ROBO2: variants seen among roughly 807,000 people sequenced by gnomAD.
The protein encoded by ROBO2 is roundabout homolog 2.
In ROBO2, 53 loss-of-function variants were observed where a neutral mutation model predicts 160.8. That is an observed-to-expected ratio of 0.33 (90% CI 0.26 to 0.41). The LOEUF is 0.41. Among genes scored for constraint, ROBO2 ranks in the 10% least tolerant of loss-of-function variants. ROBO2 has a pLI of 1.00. For missense variants in ROBO2, 1,577 were observed against 1,722.4 expected, an observed-to-expected ratio of 0.92 and a Z score of 1.49; for synonymous variants, 664 against 611.7, an observed-to-expected ratio of 1.09 and a Z score of -1.26.
intron 2 of ROBO2, among the ~76,000 whole-genome samples, chr3:76,933,315 G>A (rs551390772): frequency 6.6e-6 from 1 of 152,164 alleles, no homozygotes; most frequent in East Asian, 1.9e-4. Context: ...ATATAGAATT[G>A]TGTTCCTCTA....
chr3:77,174,719 C>A (rs1012419210), intron 2 of ROBO2, among the ~76,000 whole-genome samples: 1 of 151,988 alleles, frequency 6.6e-6, no homozygotes, highest in Non-Finnish European at 1.5e-5. Flanking sequence ...CCAGTCGAAA[C>A]CTGTCAAATA....
chr3:77,472,809 T>C (rs912852439), intron 2 of ROBO2, among the ~76,000 whole-genome samples: 9 of 152,296 alleles, frequency 5.9e-5, no homozygotes, highest in African/African-American at 1.9e-4. Context: ...AGAAAAGCTG[T>C]TATCTGAAAG....
intron 2 of ROBO2, among the ~76,000 whole-genome samples, chr3:77,015,345 T>G (rs932611794): frequency 6.6e-6 from 1 of 152,162 alleles, no homozygotes; most frequent in African/African-American, 2.4e-5. Flanking sequence ...CGAATGGGAT[T>G]TATGGGAGGC....
chr3:76,598,802 T>C (rs2086903711), intron 2 of ROBO2, among the ~76,000 whole-genome samples: 1 of 152,148 alleles, frequency 6.6e-6, no homozygotes, highest in African/African-American at 2.4e-5. Flanking sequence ...TAAAATAATA[T>C]GGCAATGTAA....
intron 2 of ROBO2, among the ~76,000 whole-genome samples, chr3:77,219,444 A>ATATATATATATATATGTATCTGTG (rs2085446345): frequency 7.7e-6 from 1 of 129,708 alleles, no homozygotes; most frequent in Non-Finnish European, 1.7e-5. Context: ...GTATATATAT[A>ATATATATATATATATGTATCTGTG]TATATATATA....
intron 2 of ROBO2, among the ~76,000 whole-genome samples, chr3:77,112,752 G>A (rs999590833): frequency 6.6e-6 from 1 of 152,142 alleles, no homozygotes; most frequent in Non-Finnish European, 1.5e-5. Context: ...CTTTTCCTCG[G>A]TGTGCCATAC....
chr3:77,194,881 T>C (rs2082175612), intron 2 of ROBO2, among the ~76,000 whole-genome samples: 1 of 152,124 alleles, frequency 6.6e-6, no homozygotes, highest in African/African-American at 2.4e-5. Context: ...CACAAATGCA[T>C]TTTTATAGTA....
chr3:76,621,597 T>C (rs1452351703), intron 2 of ROBO2, among the ~76,000 whole-genome samples: 1 of 152,216 alleles, frequency 6.6e-6, no homozygotes, highest in Non-Finnish European at 1.5e-5. Flanking sequence ...TTCTGAACCC[T>C]GAGTTCCTCA....
chr3:76,918,320 A>C (rs2076452842), intron 2 of ROBO2, among the ~76,000 whole-genome samples: 1 of 152,030 alleles, frequency 6.6e-6, no homozygotes, highest in African/African-American at 2.4e-5. Flanking sequence ...CTTTGCACTT[A>C]TTCTCTCTCC....
rs564314462 is a variant in ROBO2, at chr3:76,413,981, C to A, written c.109+476379C>A. ...TTACAGTTCCACATGGCTGGGGAGG[C>A]CTCAGAATCATGGCAGGAGGCAAAA... On this transcript the variant is annotated intron_variant, in intron 2 of 26. Coordinates refer to the ROBO2 transcript ENST00000487694. 3.3e-4 allele frequency among the ~76,000 whole-genome samples: 51 copies of A among 152,240 alleles called. No homozygotes were observed. The Middle Eastern group carries it at 0.01, about 30-fold the overall frequency.
At chr3:77,214,010 A>G (rs1195877448) in intron 2 of ROBO2, among the ~76,000 whole-genome samples, 3 of 152,092 alleles carry the variant, frequency 2.0e-5, no homozygotes, top group Non-Finnish European at 2.9e-5. Flanking sequence ...TATGTGGTCA[A>G]TTTTGGAATA....
chr3:77,356,796 A>ACT (rs1391432794), intron 2 of ROBO2, among the ~76,000 whole-genome samples: 4 of 152,168 alleles, frequency 2.6e-5, no homozygotes, highest in African/African-American at 9.7e-5. Context: ...AAAAATATAA[A>ACT]GTATATATGA....
At chr3:77,141,150 T>C (rs138073511) in intron 2 of ROBO2, among the ~76,000 whole-genome samples, 153 of 152,324 alleles carry the variant, frequency 1.0e-3, no homozygotes, top group South Asian at 3.7e-3. Context: ...TTATAGCAAG[T>C]AATATTTATC....
At chr3:76,165,557 A>G (rs943597826) in intron 2 of ROBO2, among the ~76,000 whole-genome samples, 2 of 152,136 alleles carry the variant, frequency 1.3e-5, no homozygotes, top group Non-Finnish European at 2.9e-5. Context: ...AATTTTCTTC[A>G]AGAACTTTTC....
At chr3:76,525,940 A>AT (rs2081925647) in intron 2 of ROBO2, among the ~76,000 whole-genome samples, 1 of 151,984 alleles carries the variant, frequency 6.6e-6, no homozygotes, top group Non-Finnish European at 1.5e-5. Context: ...GCCATTAGTT[A>AT]TGGCACCCTT....
chr3:76,278,127 A>C (rs968002885), intron 2 of ROBO2, among the ~76,000 whole-genome samples: 1 of 151,954 alleles, frequency 6.6e-6, no homozygotes, highest in Non-Finnish European at 1.5e-5. Flanking sequence ...TGTATGGTTT[A>C]ATAAAATCTG....
intron 2 of ROBO2, among the ~76,000 whole-genome samples, chr3:75,946,302 G>A (rs1240064674): frequency 1.3e-5 from 2 of 151,958 alleles, no homozygotes; most frequent in Non-Finnish European, 2.9e-5. Flanking sequence ...TAACAAAATA[G>A]TAAAAAGGAT....
chr3:76,131,310 A>G (rs934173928), intron 2 of ROBO2, among the ~76,000 whole-genome samples: 2 of 152,098 alleles, frequency 1.3e-5, no homozygotes, highest in African/African-American at 4.8e-5. Flanking sequence ...TTAAGTTATA[A>G]CTTGTTTTAT....
intron 2 of ROBO2, among the ~76,000 whole-genome samples, chr3:76,125,246 A>G (rs2070925154): frequency 6.6e-6 from 1 of 152,078 alleles, no homozygotes; most frequent in Non-Finnish European, 1.5e-5. Context: ...CCAATCTACC[A>G]TTGGTGGGCA....
Sources: gnomAD v4.1 joint callset for allele counts (sites outside exome capture counted in the v4.1 genomes callset) on GRCh38, gnomAD v4.1.1 for gene constraint, MANE v1.5 for transcripts, NCBI Gene and HGNC (gene_info 2026-07-23, HGNC 2026-07-21) for gene names.